CACNB2: variants seen among roughly 807,000 people sequenced by gnomAD.
CACNB2 encodes calcium voltage-gated channel auxiliary subunit beta 2, also known as voltage-dependent L-type calcium channel subunit beta-2.
CACNB2 carries 42 observed loss-of-function variants against 73.3 expected under a neutral mutation model. The ratio of observed to expected loss-of-function variants is 0.57; its 90% CI spans 0.45 to 0.74. CACNB2 has a LOEUF of 0.74. Ranked by LOEUF, CACNB2 falls within the 30% of genes least tolerant of loss-of-function variation. The pLI, the probability that CACNB2 is intolerant of heterozygous loss-of-function variation, is 0.00. For missense variants in CACNB2, 940 were observed against 853.0 expected, an observed-to-expected ratio of 1.10 and a Z score of -1.27; for synonymous variants, 348 against 310.3, an observed-to-expected ratio of 1.12 and a Z score of -1.28.
chr10:18,296,644 C>G (rs976662492), intron 2 of CACNB2, among the ~76,000 whole-genome samples: 8 of 152,084 alleles, frequency 5.3e-5, no homozygotes, highest in Non-Finnish European at 1.0e-4. Context: ...ATTTAATATT[C>G]AAATGTGTAC....
rs1162558034 is a variant in CACNB2 at position 18,542,303 on chromosome 10, TATA to T, written c.*2581_*2583del. 2 of 152,224 alleles carry T rather than the reference TATA, an allele frequency of 1.3e-5. No homozygotes were observed. Among genetic ancestry groups the T allele is most frequent in the Non-Finnish European group, 2.9e-5 (2 of 68,034 alleles). 9.4% of individuals were successfully genotyped at this position (152,224 alleles called of 1,614,324 possible). A position where few individuals can be genotyped will look rare whatever the true frequency, so the allele number is the denominator to read the frequency against. ...TGTTTACATAAATTTATTTACTGAG[TATA>T]AAATCAGTAGTCATAATAAACTTGA... On this transcript the variant is annotated 3_prime_UTR_variant, in exon 14 of 14. Transcript: ENST00000324631.
At chr10:18,534,008 A>C (rs1033752371) in intron 10 of CACNB2, 68 bp from the exon 11 acceptor site, 3 of 1,494,460 alleles carry the variant, frequency 2.0e-6, no homozygotes, top group Non-Finnish European at 2.8e-6. Context: ...TCTGTTGAAG[A>C]AACAGTATAC....
chr10:18,234,258 A>T (rs552602329), intron 2 of CACNB2: 7 of 152,220 alleles, frequency 4.6e-5, no homozygotes, highest in Admixed American at 3.9e-4. Context: ...TATTTAAGAT[A>T]TCTTAAAATG....
chr10:18,481,192 C>CAATATATATATATATATATA (rs1228539443), intron 3 of CACNB2, among the ~76,000 whole-genome samples: 1 of 36,700 alleles, frequency 2.7e-5, no homozygotes, highest in Non-Finnish European at 4.4e-5. Context: ...TACATCTTCG[C>CAATATATATATATATATATA]TATATATATA....
chr10:18,326,656 A>C (rs900082464), intron 2 of CACNB2, among the ~76,000 whole-genome samples: 1 of 152,232 alleles, frequency 6.6e-6, no homozygotes, highest in Non-Finnish European at 1.5e-5. Flanking sequence ...GGAATATGAC[A>C]GTTTACCCCT....
intron 2 of CACNB2, among the ~76,000 whole-genome samples, chr10:18,168,782 GAA>G (rs1207299867): frequency 1.3e-5 from 2 of 152,140 alleles, no homozygotes; most frequent in Non-Finnish European, 2.9e-5. Context: ...CTAGATTATA[GAA>G]CTCTGTTTTG....
intron 10 of CACNB2, 140 bp downstream of exon 10, chr10:18,527,837 G>T: frequency 2.9e-6 from 2 of 692,310 alleles, no homozygotes; most frequent in Non-Finnish European, 5.2e-6. Flanking sequence ...TGTTGCTATG[G>T]TCTTACTGAT....
In CACNB2 at chr10:18,286,044, T is replaced by C. The variant is rs1464141703; in HGVS notation, c.214-115880T>C. Among the ~76,000 whole-genome samples the C allele has an allele frequency of 2.0e-5, 3 of 152,216 alleles. No individual in the cohort carries two copies. In the East Asian group the frequency reaches 5.8e-4, roughly 29 times the overall value. ...CAAATCTGTGGTGTAGTAATATATG[T>C]ACATCTGTGAACACATTAAATAACA... On this transcript the variant is annotated intron_variant, in intron 2 of 13. Transcript: ENST00000324631.
intron 2 of CACNB2, among the ~76,000 whole-genome samples, chr10:18,350,323 T>C (rs956506197): frequency 1.3e-5 from 2 of 152,142 alleles, no homozygotes; most frequent in African/African-American, 4.8e-5. Context: ...CATGATCATC[T>C]CTAGTTGGCA....
chr10:18,515,742 C>A lies in CACNB2; in HGVS notation c.804+1373C>A, dbSNP rs527871210. 2.0e-5 allele frequency among the ~76,000 whole-genome samples: 3 copies of A among 152,304 alleles called. No homozygotes were observed. The South Asian group carries it at 6.2e-4, about 32-fold the overall frequency. Reference sequence around the variant, plus strand: ...TCTTGTTACAGCTAAAGCTTGCAGCCAAGTGACTAACAGTGTCTATCATTC... The same window carrying A: ...TCTTGTTACAGCTAAAGCTTGCAGCAAAGTGACTAACAGTGTCTATCATTC... On this transcript the variant is annotated intron_variant, in intron 7 of 13. Transcript: ENST00000324631.
At chr10:18,315,262 A>G (rs925711569) in intron 2 of CACNB2, among the ~76,000 whole-genome samples, 2 of 152,000 alleles carry the variant, frequency 1.3e-5, no homozygotes, top group Non-Finnish European at 2.9e-5. Flanking sequence ...CAAACTTGGG[A>G]GGTGGAGGTT....
chr10:18,389,438 C>T (rs1279773818), intron 2 of CACNB2, among the ~76,000 whole-genome samples: 3 of 152,130 alleles, frequency 2.0e-5, no homozygotes, highest in Non-Finnish European at 4.4e-5. Context: ...TGTGCCTTGC[C>T]TCTGTTATTT....
intron 2 of CACNB2, among the ~76,000 whole-genome samples, chr10:18,301,564 C>G (rs1216708315): frequency 6.6e-6 from 1 of 151,932 alleles, no homozygotes; most frequent in Non-Finnish European, 1.5e-5. Flanking sequence ...CACTGCACTC[C>G]AGCCTGGGTA....
In CACNB2 at chr10:18,504,618, G is replaced by A. The variant is rs181118406; in HGVS notation, c.594-1853G>A. Among the ~76,000 whole-genome samples the A allele has an allele frequency of 4.7e-5, 7 of 150,292 alleles. No individual in the cohort carries two copies. In the East Asian group the frequency reaches 1.4e-3, roughly 29 times the overall value. On this transcript the variant is annotated intron_variant, in intron 5 of 13. Coordinates refer to ENST00000324631, the MANE Select transcript of CACNB2 (RefSeq NM_201596.3). ...GAAAATACTTTTACTTGCTTTCATA[G>A]GTTTTTACATTTCTCTCCTTTTGTG...
At chr10:18,481,270 A>G (rs1172830065) in intron 3 of CACNB2, among the ~76,000 whole-genome samples, 2 of 69,364 alleles carry the variant, frequency 2.9e-5, no homozygotes, top group African/African-American at 5.7e-5. Context: ...TTTTTGAGAC[A>G]GAGTCTTGCT....
At chr10:18,527,836 G>T (rs1589702685) in intron 10 of CACNB2, 139 bp downstream of exon 10, 1 of 692,166 alleles carries the variant, frequency 1.4e-6, no homozygotes, top group Admixed American at 2.1e-5. Context: ...CTGTTGCTAT[G>T]GTCTTACTGA....
At chr10:18,425,989 A>G (rs922120840) in intron 3 of CACNB2, among the ~76,000 whole-genome samples, 1 of 152,150 alleles carries the variant, frequency 6.6e-6, no homozygotes, top group Non-Finnish European at 1.5e-5. Flanking sequence ...ATACTACCTG[A>G]ATTTCTGTAG....
intron 2 of CACNB2, among the ~76,000 whole-genome samples, chr10:18,322,101 A>G (rs2040418939): frequency 6.6e-6 from 1 of 152,106 alleles, no homozygotes; most frequent in Non-Finnish European, 1.5e-5. Flanking sequence ...GGCTGTGGTG[A>G]GCTATGATCG....
At position 18,186,053 on chromosome 10, in the gene CACNB2, G is replaced by A. The variant is rs552917651; in HGVS notation, c.213+35078G>A. ...TGTATATTTGAATAAATGTGTGTCT[G>A]CCACATGGAAGTTATCTTTGGAATG... On this transcript the variant is annotated intron_variant, in intron 2 of 13. Coordinates refer to ENST00000324631, the MANE Select transcript of CACNB2 (RefSeq NM_201596.3). Among the ~76,000 whole-genome samples, 6 of 152,250 alleles carry A rather than the reference G, an allele frequency of 3.9e-5. No individual in the cohort carries two copies. The South Asian group carries it at 1.2e-3, about 32-fold the overall frequency.
Sources: gnomAD v4.1 joint callset for allele counts (sites outside exome capture counted in the v4.1 genomes callset) on GRCh38, gnomAD v4.1.1 for gene constraint, MANE v1.5 for transcripts, NCBI Gene and HGNC (gene_info 2026-07-23, HGNC 2026-07-21) for gene names.